The following ECT2L variants were observed in gnomAD, a reference collection of about 807,000 sequenced individuals.
The protein encoded by ECT2L is epithelial cell transforming 2 like.
A neutral mutation model predicts 122.8 loss-of-function variants in ECT2L; 126 were observed. The observed-to-expected ratio is 1.03, with a 90% CI of 0.89 to 1.19. The LOEUF is 1.19. Among genes scored for constraint, ECT2L ranks in the 50% most tolerant of loss-of-function variants. The probability of loss-of-function intolerance (pLI) is 0.00; values close to 1 mark genes in which losing one functional copy is unlikely to be tolerated. For missense variants in ECT2L, 1,012 were observed against 1,064.1 expected (o/e 0.95, Z 0.68); for synonymous variants, 385 against 381.8 (o/e 1.01, Z -0.10).
In ECT2L at chr6:138,900,839, T is replaced by C. The variant is rs1052337446; in HGVS notation, c.2415-109T>C. The stretch of plus-strand genomic sequence containing the variant: ...TTCAACCAGCCATTCAAAATGTCAG[T>C]AGTGGGGTAAAAGCCTTGACTAGTG... On this transcript the variant is annotated intron_variant, in intron 20 of 21. Transcript: ENST00000541398. 1.5e-5 allele frequency: 17 copies of C among 1,157,070 alleles called. No individual in the cohort carries two copies. In the African/African-American group the frequency reaches 2.3e-4, roughly 16 times the overall value. The allele number at this position is 1,157,070 out of a possible 1,614,324, so 71.7% of individuals were successfully genotyped here.
intron 5 of ECT2L, among the ~76,000 whole-genome samples, chr6:138,839,027 G>A (rs982542696): frequency 7.2e-5 from 11 of 152,096 alleles, no homozygotes; most frequent in Admixed American, 6.5e-5. Context: ...TGATCCGCCC[G>A]CCTCGGCCTC....
chr6:138,848,010 GGAGA>G (rs1231282973), intron 8 of ECT2L, among the ~76,000 whole-genome samples: 14 of 152,294 alleles, frequency 9.2e-5, no homozygotes, highest in African/African-American at 2.6e-4. Context: ...CATGACAGCA[GGAGA>G]GAGAAGAATG....
At chr6:138,881,406 G>A (rs568992874) in intron 15 of ECT2L, among the ~76,000 whole-genome samples, 1 of 152,066 alleles carries the variant, frequency 6.6e-6, no homozygotes, top group South Asian at 2.1e-4. Context: ...TCAGGACCTA[G>A]GCATTTTGTA....
intron 13 of ECT2L, among the ~76,000 whole-genome samples, chr6:138,868,818 G>A (rs911540262): frequency 6.6e-6 from 1 of 152,186 alleles, no homozygotes; most frequent in Non-Finnish European, 1.5e-5. Flanking sequence ...ATAGTGAGGA[G>A]AGGCCAGTCT....
intron 4 of ECT2L, among the ~76,000 whole-genome samples, chr6:138,817,098 A>C (rs1178439016): frequency 1.3e-5 from 2 of 152,224 alleles, no homozygotes; most frequent in Non-Finnish European, 2.9e-5. Flanking sequence ...AACGTTCTCA[A>C]GGTTCATCCA....
rs1429375710 is a variant in ECT2L at position 138,881,044 on chromosome 6, C to T, written c.1753C>T (p.Leu585=). ...LQSERKYVQI[L]EIVRDVYVAP... ...GAGTGAGAGAAAATACGTGCAGATA[C>T]TGGAAATTGTGAGAGATGTTTATGT... is the stretch of plus-strand genomic sequence containing the variant. The change falls in exon 15 of 22, where the codon CTG becomes TTG. Residue 585 remains leucine, a synonymous_variant. Coordinates refer to ENST00000541398, the MANE Select transcript of ECT2L (RefSeq NM_001077706.3). 1.2e-6 allele frequency: 2 copies of T among 1,614,118 alleles called. No homozygotes were observed. Among genetic ancestry groups the T allele is most frequent in the Non-Finnish European group, 1.7e-6 (2 of 1,180,030 alleles).
intron 13 of ECT2L, among the ~76,000 whole-genome samples, chr6:138,875,062 G>C (rs1778393407): frequency 6.6e-6 from 1 of 152,192 alleles, no homozygotes; most frequent in Admixed American, 6.5e-5. Context: ...ACTCCAGCAT[G>C]GGTGAAAGAG....
chr6:138,879,805 T>G (rs1778583867), intron 14 of ECT2L, among the ~76,000 whole-genome samples: 2 of 151,986 alleles, frequency 1.3e-5, no homozygotes, highest in Non-Finnish European at 2.9e-5. Context: ...ACACAAAAAT[T>G]AGCTGGGCAT....
chr6:138,884,093 T>C (rs996762049), intron 16 of ECT2L, among the ~76,000 whole-genome samples: 2 of 152,178 alleles, frequency 1.3e-5, no homozygotes, highest in Non-Finnish European at 2.9e-5. Flanking sequence ...CTTAAACTCC[T>C]GGGCTCAAGC....
chr6:138,893,005 T>C (rs1310331575), intron 20 of ECT2L, among the ~76,000 whole-genome samples: 3 of 152,104 alleles, frequency 2.0e-5, no homozygotes, highest in Non-Finnish European at 2.9e-5. Context: ...CCTTCTTAAA[T>C]AGGGTCTGAG....
chr6:138,813,611 T>A (rs1775972290), intron 3 of ECT2L, among the ~76,000 whole-genome samples: 1 of 152,176 alleles, frequency 6.6e-6, no homozygotes, highest in Non-Finnish European at 1.5e-5. Context: ...ACACAGTTGC[T>A]GTAGATAGGG....
At chr6:138,833,056 C>A (rs1009475202) in intron 4 of ECT2L, among the ~76,000 whole-genome samples, 9 of 152,042 alleles carry the variant, frequency 5.9e-5, no homozygotes, top group Admixed American at 1.3e-4. Flanking sequence ...AACTGTCAAA[C>A]GCCAATAAAA....
At chr6:138,848,484 T>TGTATATGTATGTACATATATGTATAG (rs1777311745) in intron 8 of ECT2L, among the ~76,000 whole-genome samples, 1 of 152,230 alleles carries the variant, frequency 6.6e-6, no homozygotes, top group Non-Finnish European at 1.5e-5. Context: ...TGTATATGTA[T>TGTATATGTATGTACATATATGTATAG]GTATATATGT....
In ECT2L at chr6:138,854,154, G is replaced by A; in HGVS notation, c.1198G>A (p.Glu400Lys). The change falls in exon 10 of 22, where the codon GAG becomes AAG. Residue 400 changes from glutamate to lysine, a missense_variant and splice_region_variant. Glu to Lys is a moderately conservative substitution (Grantham distance 56). Transcript: ENST00000541398. ...CTTCTTCGTGCCCCTTGGAGCATCA[G>A]GTTAGCTCAGAACACCTTATAGAGA... is the stretch of plus-strand genomic sequence containing the variant. ...VDFFVPLGAS[E>K]AGIEVLSQLS... 1 of 1,612,870 alleles carries A rather than the reference G, an allele frequency of 6.2e-7. No homozygotes were observed. The highest frequency in any genetic ancestry group is 8.5e-7 in the Non-Finnish European group (1 of 1,179,590).
intron 7 of ECT2L, among the ~76,000 whole-genome samples, chr6:138,845,249 T>A (rs1777180374): frequency 6.6e-6 from 1 of 151,170 alleles, no homozygotes; most frequent in Non-Finnish European, 1.5e-5. Flanking sequence ...TGGATTTTTT[T>A]TTTTTTTTTT....
At chr6:138,815,228 T>C (rs1373847101) in intron 4 of ECT2L, among the ~76,000 whole-genome samples, 1 of 152,228 alleles carries the variant, frequency 6.6e-6, no homozygotes, top group Non-Finnish European at 1.5e-5. Context: ...AGCTCTAGAT[T>C]GGAAGGTCAC....
intron 5 of ECT2L, among the ~76,000 whole-genome samples, chr6:138,840,211 G>A (rs959355727): frequency 3.3e-5 from 5 of 152,220 alleles, no homozygotes; most frequent in African/African-American, 1.2e-4. Flanking sequence ...AGGAAGCTGA[G>A]GAAGAGGAGG....
chr6:138,854,203 G>A lies in ECT2L; in HGVS notation c.1198+49G>A, dbSNP rs1359468076. On this transcript the variant is annotated intron_variant, in intron 10 of 21. Coordinates refer to ENST00000541398, the MANE Select transcript of ECT2L (RefSeq NM_001077706.3). ...GAGACAGTGGCCATGCCACTTCATGGGGATATGTTGTGAATTATTGAAGTG... is the reference window on the plus strand; with the variant it reads ...GAGACAGTGGCCATGCCACTTCATGAGGATATGTTGTGAATTATTGAAGTG... 3 of 1,536,650 alleles carry A rather than the reference G, an allele frequency of 2.0e-6. No homozygotes were observed. The Admixed American group carries it at 6.3e-5, about 32-fold the overall frequency.
intron 14 of ECT2L, among the ~76,000 whole-genome samples, chr6:138,877,240 CT>C (rs2128405355): frequency 6.6e-6 from 1 of 152,246 alleles, no homozygotes; most frequent in South Asian, 2.1e-4. Context: ...GAGCTCAGAC[CT>C]GGGGCTCTTT....
Sources: allele counts gnomAD v4.1 joint callset (sites outside exome capture counted in the v4.1 genomes callset), GRCh38; gene constraint gnomAD v4.1.1; transcripts MANE v1.5; gene names NCBI Gene and HGNC (gene_info 2026-07-23, HGNC 2026-07-21).